Variants in ODAD1 observed in about 807,000 individuals in gnomAD.
The protein encoded by ODAD1 is outer dynein arm docking complex subunit 1.
ODAD1 carries 49 observed loss-of-function variants against 67.2 expected under a neutral mutation model. The observed-to-expected ratio is 0.73, with a 90% confidence interval of 0.58 to 0.92. The LOEUF is 0.92. ODAD1 is among the 40% of genes least tolerant of loss of function. ODAD1 has a pLI of 0.00. For missense variants in ODAD1, 897 were observed against 953.7 expected (o/e 0.94, Z 0.78); for synonymous variants, 345 against 393.7 (o/e 0.88, Z 1.46).
chr19:48,320,300 C>T lies in ODAD1; in HGVS notation c.69G>A (p.Met23Ile), dbSNP rs548270951. Residue 23 changes from methionine (M) to isoleucine (I), a missense_variant and splice_region_variant, in exon 3 of 16, where the codon ATG becomes ATA. Met to Ile is a conservative substitution (Grantham distance 10). Transcript: ENST00000674294. ...EEGSEAFLEG[M>I]VDWELSRLQR... is the part of the protein sequence containing the mutation. ...TGATATAAAGAATGAATGAATTACC[C>T]ATTCCCTCCAGAAATGCCTCGCTTC... 23 of 1,283,558 alleles carry T rather than the reference C, an allele frequency of 1.8e-5. No homozygotes were observed. Among genetic ancestry groups the T allele is most frequent in the Admixed American group, 4.6e-5 (2 of 43,472 alleles). 79.5% of individuals were successfully genotyped at this position (1,283,558 alleles called of 1,614,324 possible). A position where few individuals can be genotyped will look rare whatever the true frequency, so the allele number is the denominator to read the frequency against.
Position 48,297,069 on chromosome 19 carries a change from T to G in ODAD1, c.2031A>C (p.Gly677=). Reference sequence around the variant, plus strand: ...CGTGGTCTCTGCTGGACCCGAGGCCTCCGCTCGAATCAGACGCTGTGCCTC... The same window carrying G: ...CGTGGTCTCTGCTGGACCCGAGGCCGCCGCTCGAATCAGACGCTGTGCCTC... ...ESGGTASDSS[G]GLGSSRDHVS... Residue 677 remains glycine, a synonymous_variant, in exon 16 of 16, where the codon GGA becomes GGC. Transcript: ENST00000674294. 6.2e-7 allele frequency: 1 copy of G among 1,613,104 alleles called. No individual in the cohort carries two copies. The highest frequency in any genetic ancestry group is 8.5e-7 in the Non-Finnish European group (1 of 1,179,560).
At chr19:48,312,596 T>C (rs1968794592) in intron 5 of ODAD1, among the ~76,000 whole-genome samples, 2 of 151,850 alleles carry the variant, frequency 1.3e-5, no homozygotes, top group Non-Finnish European at 2.9e-5. Context: ...TTTGTATTTT[T>C]AGTAGAGATG....
At chr19:48,306,437 A>C in intron 7 of ODAD1, 114 bp from the exon 8 acceptor site, 1 of 821,516 alleles carries the variant, frequency 1.2e-6, no homozygotes, top group Non-Finnish European at 2.0e-6. Flanking sequence ...AGCCTTCCAA[A>C]TGTGGACCCT....
chr19:48,321,860 A>G lies in ODAD1; in HGVS notation c.-246T>C. 3 of 398,552 alleles carry G rather than the reference A, an allele frequency of 7.5e-6. No homozygotes were observed. Among genetic ancestry groups the G allele is most frequent in the East Asian group, 3.6e-5 (1 of 28,072 alleles). The allele number at this position is 398,552 out of a possible 1,614,324, so 24.7% of individuals were successfully genotyped here. A position where few individuals can be genotyped will look rare whatever the true frequency, so the allele number is the denominator to read the frequency against. On this transcript the variant is annotated 5_prime_UTR_variant, in exon 1 of 16. Transcript: ENST00000674294. ...TGTCGAAGCCGGGAGTTGCGCGGAG[A>G]AGGAGCGCTCAACACAGCCTCAGCG... is the stretch of plus-strand genomic sequence containing the variant.
Position 48,297,515 on chromosome 19 carries a change from C to G in ODAD1, c.1585G>C (p.Glu529Gln), listed in dbSNP as rs1968330478. The G allele has an allele frequency of 1.2e-6, 2 of 1,604,258 alleles. No individual in the cohort carries two copies. The highest frequency in any genetic ancestry group is 4.5e-5 in the East Asian group (2 of 44,482). The change falls in exon 16 of 16, where the codon GAG (glutamate) becomes CAG (glutamine). Residue 529 changes from glutamate to glutamine, a missense_variant. Coordinates refer to ENST00000674294, the MANE Select transcript of ODAD1 (RefSeq NM_001364171.2). ...TGCGCCTCCGCCTGCTCCTGGAGCT[C>G]CACCTGCAGGGAAGGTGAACTGGGC... ...ELLSQVEKLV[E>Q]LQEQAEAQRQ...
At chr19:48,307,950 G>A (rs1182355332) in intron 7 of ODAD1, among the ~76,000 whole-genome samples, 1 of 152,070 alleles carries the variant, frequency 6.6e-6, no homozygotes, top group Non-Finnish European at 1.5e-5. Context: ...AGATTACCCA[G>A]ACTATCTTCG....
chr19:48,310,309 A>G (rs1474483044), intron 7 of ODAD1, among the ~76,000 whole-genome samples: 2 of 152,118 alleles, frequency 1.3e-5, no homozygotes, highest in Non-Finnish European at 2.9e-5. Flanking sequence ...ATGCTTCCAA[A>G]ATGTCAACGT....
rs1263221700 is a variant in ODAD1, at chr19:48,303,032, A to T, written c.1052T>A (p.Val351Glu). 2 of 1,614,072 alleles carry T rather than the reference A, an allele frequency of 1.2e-6. No individual in the cohort carries two copies. The highest frequency in any genetic ancestry group is 1.7e-6 in the Non-Finnish European group (2 of 1,179,964). The change falls in exon 11 of 16, where the codon GTG (valine) becomes GAG (glutamate). Residue 351 changes from valine (V) to glutamate (E), a missense_variant. Coordinates refer to ENST00000674294, the MANE Select transcript of ODAD1 (RefSeq NM_001364171.2). ...INEQNLELEH[V>E]QEEIKEMQEA... The stretch of plus-strand genomic sequence containing the variant: ...ACTCACCTCCTTGATCTCTTCCTGC[A>T]CATGCTCCAGCTCCAAGTTCTGCTC...
At chr19:48,318,300 C>T (rs758964421) in intron 5 of ODAD1, 87 bp downstream of exon 5, 113 of 1,206,458 alleles carry the variant, frequency 9.4e-5, no homozygotes, top group Non-Finnish European at 1.3e-4. Context: ...CCTAATAGCC[C>T]CAATTTCACA....
At chr19:48,317,559 C>G (rs552058298) in intron 5 of ODAD1, among the ~76,000 whole-genome samples, 1 of 152,174 alleles carries the variant, frequency 6.6e-6, no homozygotes, top group Non-Finnish European at 1.5e-5. Flanking sequence ...CTCTAACATG[C>G]GAACCTTTCC....
At position 48,308,476 on chromosome 19, in the gene ODAD1, G is replaced by A. The variant is rs115987003; in HGVS notation, c.598-2153C>T. Among the ~76,000 whole-genome samples, 1,427 of 152,128 alleles carry A rather than the reference G, an allele frequency of 9.4e-3. 23 individuals are homozygous for A. Among genetic ancestry groups the A allele is most frequent in the African/African-American group, 0.033 (1,359 of 41,434 alleles). ...CAGGCATGAGCCACCACACCCAGCCGAGAAGTGTTTCCTTAAGGAAAATGC... is the reference window on the plus strand; with the variant it reads ...CAGGCATGAGCCACCACACCCAGCCAAGAAGTGTTTCCTTAAGGAAAATGC... On this transcript the variant is annotated intron_variant, in intron 7 of 15. Transcript: ENST00000674294.
intron 11 of ODAD1, 41 bp from the exon 12 acceptor site, chr19:48,302,903 C>A (rs374566612): frequency 6.5e-6 from 9 of 1,387,954 alleles, no homozygotes; most frequent in Non-Finnish European, 8.7e-6. Context: ...ATGGCAGCCT[C>A]GGGAGTTGGG....
At chr19:48,303,573 A>G in intron 10 of ODAD1, 77 bp downstream of exon 10, 1 of 1,557,580 alleles carries the variant, frequency 6.4e-7, no homozygotes, top group Non-Finnish European at 8.8e-7. Flanking sequence ...CCAGGGCCAG[A>G]GCTGAGGCCA....
intron 6 of ODAD1, 100 bp downstream of exon 6, chr19:48,311,894 T>C (rs1305630092): frequency 2.2e-5 from 25 of 1,149,824 alleles, no homozygotes; most frequent in Non-Finnish European, 3.0e-5. Context: ...CTGACACATA[T>C]GTGCACACAC....
At chr19:48,301,334 T>C (rs554234888) in intron 12 of ODAD1, among the ~76,000 whole-genome samples, 1 of 152,284 alleles carries the variant, frequency 6.6e-6, no homozygotes, top group Non-Finnish European at 1.5e-5. Context: ...GAGATGTACA[T>C]GGATGATCCA....
chr19:48,318,580 C>T lies in ODAD1; in HGVS notation c.171-4G>A. Reference sequence around the variant, plus strand: ...CTCCAAGCGCCGGATCTCCTCACTACCCAGGCAGGGAGGTGGAAGAGGGGC... The same window carrying T: ...CTCCAAGCGCCGGATCTCCTCACTATCCAGGCAGGGAGGTGGAAGAGGGGC... On this transcript the variant is annotated splice_polypyrimidine_tract_variant and splice_region_variant and intron_variant, in intron 4 of 15. Transcript: ENST00000674294. 6.5e-7 allele frequency: 1 copy of T among 1,550,216 alleles called. No homozygotes were observed. Among genetic ancestry groups the T allele is most frequent in the Non-Finnish European group, 8.7e-7 (1 of 1,145,920 alleles).
In ODAD1 at chr19:48,297,642, C is replaced by T. The variant is rs776153052; in HGVS notation, c.1529G>A (p.Ser510Asn). ...TLEDPPGFEA[S>N]DDYPMSREEL... Reference sequence around the variant, plus strand: ...CTCCCTGCTCATGGGGTAGTCATCGCTGGCCTCAAAACCCGGGGGGTCTTC... The same window carrying T: ...CTCCCTGCTCATGGGGTAGTCATCGTTGGCCTCAAAACCCGGGGGGTCTTC... The change falls in exon 15 of 16, where the codon AGC becomes AAC. Residue 510 changes from serine to asparagine, a missense_variant. Transcript: ENST00000674294. The T allele has an allele frequency of 1.3e-6, 2 of 1,520,662 alleles. No individual in the cohort carries two copies. Among genetic ancestry groups the T allele is most frequent in the Admixed American group, 2.3e-5 (1 of 43,954 alleles). The allele number at this position is 1,520,662 out of a possible 1,614,324, so 94.2% of individuals were successfully genotyped here.
rs73942222 is a variant in ODAD1, at chr19:48,303,782, C to G, written c.856G>C (p.Gly286Arg). 2 of 1,606,836 alleles carry G rather than the reference C, an allele frequency of 1.2e-6. No homozygotes were observed. Among genetic ancestry groups the G allele is most frequent in the Admixed American group, 1.7e-5 (1 of 59,298 alleles). The change falls in exon 10 of 16, where the codon GGG becomes CGG. Residue 286 changes from glycine to arginine, a missense_variant and splice_region_variant. Transcript: ENST00000674294. ...DVLEKREKQA[G>R]EVAEGVWKTS... ...TTCCAGACGCCCTCGGCCACCTCCC[C>G]GGCTAGGGGAAGAGAGAACAGCAGG... is the stretch of plus-strand genomic sequence containing the variant.
intron 5 of ODAD1, among the ~76,000 whole-genome samples, chr19:48,314,279 C>T (rs183464367): frequency 6.6e-4 from 101 of 152,310 alleles, no homozygotes; most frequent in Non-Finnish European, 1.9e-4. Context: ...ATGGAACAGA[C>T]AGATTCTCCC....
Sources: allele counts gnomAD v4.1 joint callset (sites outside exome capture counted in the v4.1 genomes callset), GRCh38; gene constraint gnomAD v4.1.1; transcripts MANE v1.5; gene names NCBI Gene and HGNC (gene_info 2026-07-23, HGNC 2026-07-21).